TNFRSF10D: variants seen among roughly 807,000 people sequenced by gnomAD.
TNFRSF10D encodes the protein tumor necrosis factor receptor superfamily member 10D.
In TNFRSF10D, 28 loss-of-function variants were observed where a neutral mutation model predicts 42.1. The observed-to-expected ratio is 0.66, with a 90% CI of 0.49 to 0.91. TNFRSF10D has a LOEUF of 0.91. TNFRSF10D is among the 40% of genes least tolerant of loss of function. TNFRSF10D has a pLI of 0.00. For synonymous variants in TNFRSF10D, 186 were observed against 189.4 expected (o/e 0.98, Z 0.15); for missense variants, 503 against 486.1 (o/e 1.03, Z -0.33).
chr8:23,144,352 C>T, intron 7 of TNFRSF10D, 98 bp downstream of exon 7: 1 of 1,410,570 alleles, frequency 7.1e-7, no homozygotes, highest in Non-Finnish European at 9.6e-7. Flanking sequence ...CTCCATGTCC[C>T]CTTGGGCCAG....
At position 23,155,089 on chromosome 8, in the gene TNFRSF10D, C is replaced by T. The variant is rs1585264328; in HGVS notation, c.151-110G>A. ...GTGACAAAACCCATGAGAGCCTGGA[C>T]TTTTTTCCCATTCCAAACTTTCATT... On this transcript the variant is annotated intron_variant, in intron 1 of 8. Coordinates refer to ENST00000312584, the MANE Select transcript of TNFRSF10D (RefSeq NM_003840.5). 2.2e-5 allele frequency: 18 copies of T among 831,368 alleles called. No individual in the cohort carries two copies. The East Asian group carries it at 4.9e-4, about 23-fold the overall frequency. 51.5% of individuals were successfully genotyped at this position (831,368 alleles called of 1,614,324 possible). A position where few individuals can be genotyped will look rare whatever the true frequency, so the allele number is the denominator to read the frequency against.
chr8:23,145,886 G>A lies in TNFRSF10D; in HGVS notation c.518C>T (p.Thr173Met), dbSNP rs542233972. Residue 173 changes from threonine to methionine, a missense_variant, in exon 5 of 9, where the codon ACG becomes ATG. Transcript: ENST00000312584. Reference protein sequence around the residue: ...PRGMVKVSNCTPRSDIKCKNE... With the variant: ...PRGMVKVSNCMPRSDIKCKNE... ...TTTGCACTTGATGTCACTCCGGGGC[G>A]TACAATTACTGACCTTGACCATCCC... 73 of 1,614,020 alleles carry A rather than the reference G, an allele frequency of 4.5e-5. No homozygotes were observed. The highest frequency in any genetic ancestry group is 1.6e-4 in the Middle Eastern group (1 of 6,082).
intron 4 of TNFRSF10D, 98 bp downstream of exon 4, chr8:23,146,863 G>C: frequency 9.3e-7 from 1 of 1,077,244 alleles, no homozygotes; most frequent in Non-Finnish European, 1.4e-6. Context: ...CCTCGGGCCT[G>C]GAGGATCCAT....
rs368208438 is a variant in TNFRSF10D at position 23,138,183 on chromosome 8, C to G, written c.1027+5G>C. The G allele has an allele frequency of 6.2e-7, 1 of 1,614,216 alleles. No individual in the cohort carries two copies. On this transcript the variant is annotated splice_donor_5th_base_variant and intron_variant, in intron 8 of 8. Coordinates refer to ENST00000312584, the MANE Select transcript of TNFRSF10D (RefSeq NM_003840.5). ...CTGCTGCGTCTCAAGGCACAAAACACTTACTGTCAGCGGAGTCAGCGTCAT... is the reference window on the plus strand; with the variant it reads ...CTGCTGCGTCTCAAGGCACAAAACAGTTACTGTCAGCGGAGTCAGCGTCAT...
At chr8:23,140,664 C>T (rs115689885) in intron 7 of TNFRSF10D, among the ~76,000 whole-genome samples, 956 of 152,208 alleles carry the variant, frequency 6.3e-3, no homozygotes, top group African/African-American at 0.019. Context: ...AACTGAATCA[C>T]GTGGACTGGT....
At chr8:23,162,797 C>T (rs1800390574) in intron 1 of TNFRSF10D, among the ~76,000 whole-genome samples, 1 of 152,162 alleles carries the variant, frequency 6.6e-6, no homozygotes, top group South Asian at 2.1e-4. Context: ...CTGCCACTTT[C>T]AGGGTTCTAT....
chr8:23,163,388 C>T (rs928014275), intron 1 of TNFRSF10D, among the ~76,000 whole-genome samples: 1 of 152,090 alleles, frequency 6.6e-6, no homozygotes, highest in African/African-American at 2.4e-5. Context: ...CAGGCGTGAG[C>T]CACCGCGACC....
Position 23,148,563 on chromosome 8 carries a change from G to T in TNFRSF10D, c.257-12C>A. On this transcript the variant is annotated splice_polypyrimidine_tract_variant and intron_variant, in intron 2 of 8. Transcript: ENST00000312584. ...TGATCTATGAGATCCTGGGAAGGGA[G>T]AGAAAAGTTAATGAATGAGTCACCA... 1 of 1,591,800 alleles carries T rather than the reference G, an allele frequency of 6.3e-7. No homozygotes were observed. Among genetic ancestry groups the T allele is most frequent in the Non-Finnish European group, 8.6e-7 (1 of 1,162,632 alleles).
intron 1 of TNFRSF10D, among the ~76,000 whole-genome samples, chr8:23,155,573 G>C (rs1011476662): frequency 2.0e-5 from 3 of 151,974 alleles, no homozygotes; most frequent in Non-Finnish European, 4.4e-5. Context: ...CAAAAAATTA[G>C]CTGGGCATGG....
At position 23,135,929 on chromosome 8, in the gene TNFRSF10D, A is replaced by G. The variant is rs142886438; in HGVS notation, c.*1941T>C. The G allele has an allele frequency of 3.8e-3, 1,728 of 449,464 alleles. No individual in the cohort carries two copies. The highest frequency in any genetic ancestry group is 0.019 in the African/African-American group (960 of 49,934). 27.8% of individuals were successfully genotyped at this position (449,464 alleles called of 1,614,324 possible). The stretch of plus-strand genomic sequence containing the variant: ...CTAGGAGGCAGCAGCACCCTGTGTC[A>G]TCCAGAAGTGCAGGGGACAAGGTGT... On this transcript the variant is annotated 3_prime_UTR_variant, in exon 9 of 9. Transcript: ENST00000312584.
chr8:23,139,802 G>A (rs879868755), intron 7 of TNFRSF10D, among the ~76,000 whole-genome samples: 8 of 152,112 alleles, frequency 5.3e-5, no homozygotes, highest in Non-Finnish European at 8.8e-5. Flanking sequence ...AAAGGCCCCT[G>A]GAACTAATAA....
intron 2 of TNFRSF10D, among the ~76,000 whole-genome samples, chr8:23,153,890 A>G (rs1365602261): frequency 1.3e-5 from 2 of 152,258 alleles, no homozygotes; most frequent in African/African-American, 2.4e-5. Flanking sequence ...AAAGGAAATG[A>G]CATCAGTATG....
intron 7 of TNFRSF10D, among the ~76,000 whole-genome samples, chr8:23,142,827 G>A (rs1311514898): frequency 5.3e-5 from 8 of 152,172 alleles, no homozygotes; most frequent in Admixed American, 4.6e-4. Context: ...ATGTACATAC[G>A]CTTGTATGAA....
At chr8:23,140,878 C>T (rs1814454851) in intron 7 of TNFRSF10D, among the ~76,000 whole-genome samples, 1 of 152,144 alleles carries the variant, frequency 6.6e-6, no homozygotes, top group African/African-American at 2.4e-5. Flanking sequence ...TATAAATTAC[C>T]CAGTCTCAAG....
rs556910142 is a variant in TNFRSF10D at position 23,160,736 on chromosome 8, G to A, written c.150+3050C>T. ...GCTACCCTGCCACTCCTGGATACAG[G>A]ACAGAGAACCAGAACTGGGACCGTG... On this transcript the variant is annotated intron_variant, in intron 1 of 8. Coordinates refer to ENST00000312584, the MANE Select transcript of TNFRSF10D (RefSeq NM_003840.5). Among the ~76,000 whole-genome samples, 14 of 152,328 alleles carry A rather than the reference G, an allele frequency of 9.2e-5. No homozygotes were observed. The South Asian group carries it at 2.7e-3, about 29-fold the overall frequency.
At chr8:23,147,898 TA>T (rs1385707792) in intron 3 of TNFRSF10D, among the ~76,000 whole-genome samples, 1 of 151,506 alleles carries the variant, frequency 6.6e-6, no homozygotes. Context: ...CCGTCTCTAC[TA>T]AAAATACAAA....
chr8:23,159,328 C>A (rs769619381), intron 1 of TNFRSF10D, among the ~76,000 whole-genome samples: 8 of 151,822 alleles, frequency 5.3e-5, no homozygotes, highest in Non-Finnish European at 1.2e-4. Flanking sequence ...GCTTTGACCT[C>A]TTTTGTGTTT....
intron 7 of TNFRSF10D, 21 bp from the exon 8 acceptor site, chr8:23,138,281 T>C: frequency 6.2e-7 from 1 of 1,614,158 alleles, no homozygotes; most frequent in Non-Finnish European, 8.5e-7. Context: ...CAGTGGGGAA[T>C]GCTCTGGTCA....
chr8:23,160,720 C>A (rs115550163), intron 1 of TNFRSF10D, among the ~76,000 whole-genome samples: 518 of 151,568 alleles, frequency 3.4e-3, no homozygotes, highest in African/African-American at 0.011. Flanking sequence ...CGCTACCCTG[C>A]CACTCCTGGA....
Sources: allele counts gnomAD v4.1 joint callset (sites outside exome capture counted in the v4.1 genomes callset), GRCh38; gene constraint gnomAD v4.1.1; transcripts MANE v1.5; gene names NCBI Gene and HGNC (gene_info 2026-07-23, HGNC 2026-07-21).